The following DNAH5 variants were observed in gnomAD, a reference collection of about 807,000 sequenced individuals.
The protein encoded by DNAH5 is axonemal beta dynein heavy chain 5.
In DNAH5, 372 loss-of-function variants were observed where a neutral mutation model predicts 518.2. That is an observed-to-expected ratio of 0.72 (90% CI 0.66 to 0.78). DNAH5 has a LOEUF of 0.78. DNAH5 is among the 30% of genes least tolerant of loss of function. DNAH5 has a pLI of 0.00. For missense variants in DNAH5, 5,523 were observed against 5,687.0 expected (o/e 0.97, Z 0.93); for synonymous variants, 2,039 against 2,025.9 (o/e 1.01, Z -0.17).
chr5:13,935,113 AAAAAT>A (rs1279607654), intron 1 of DNAH5, among the ~76,000 whole-genome samples: 2 of 152,218 alleles, frequency 1.3e-5, no homozygotes, highest in African/African-American at 4.8e-5. Flanking sequence ...AGCCAAAACT[AAAAAT>A]AAAAGAAGTA....
rs16902958 is a variant in DNAH5, at chr5:13,938,839, C to T, written c.57+5543G>A. On this transcript the variant is annotated intron_variant, in intron 1 of 78. Coordinates refer to ENST00000265104, the MANE Select transcript of DNAH5 (RefSeq NM_001369.3). ...ACGAAACCAAGGACATGGATTTGAT[C>T]ATCTCAGGCCAGCTAACTTCACTTT... 2.9e-3 allele frequency among the ~76,000 whole-genome samples: 447 copies of T among 152,324 alleles called. 3 individuals are homozygous for T. Among genetic ancestry groups the T allele is most frequent in the African/African-American group, 0.01 (432 of 41,566 alleles).
intron 41 of DNAH5, among the ~76,000 whole-genome samples, chr5:13,818,426 G>A (rs936764888): frequency 6.6e-5 from 10 of 152,222 alleles, no homozygotes; most frequent in Admixed American, 3.3e-4. Context: ...GTGAAACCCC[G>A]TCTCTGCTGA....
At chr5:13,872,214 C>T (rs1770227882) in intron 22 of DNAH5, among the ~76,000 whole-genome samples, 1 of 152,154 alleles carries the variant, frequency 6.6e-6, no homozygotes, top group Admixed American at 6.6e-5. Context: ...CAATGGGAAT[C>T]TACTGACATG....
intron 38 of DNAH5, among the ~76,000 whole-genome samples, chr5:13,826,224 C>T (rs985130246): frequency 1.3e-5 from 2 of 152,152 alleles, no homozygotes; most frequent in Non-Finnish European, 2.9e-5. Context: ...TATTACATTT[C>T]ACTATGATCT....
intron 31 of DNAH5, among the ~76,000 whole-genome samples, chr5:13,846,196 G>A (rs1326667416): frequency 1.3e-5 from 2 of 151,926 alleles, no homozygotes; most frequent in African/African-American, 4.8e-5. Flanking sequence ...CAGGTAAACT[G>A]CATGTTGGGA....
chr5:13,773,860 A>AAGG (rs1230517749), intron 55 of DNAH5, among the ~76,000 whole-genome samples: 1 of 151,974 alleles, frequency 6.6e-6, no homozygotes, highest in African/African-American at 2.4e-5. Context: ...TATCCAGACA[A>AAGG]AGGAGGAGTG....
chr5:13,894,893 T>C (rs1028306380), intron 15 of DNAH5, 72 bp from the exon 16 acceptor site: 6 of 1,542,952 alleles, frequency 3.9e-6, no homozygotes, highest in Non-Finnish European at 4.4e-6. Context: ...TCATGTCTTA[T>C]ACAAAATGAC....
rs1216239202 is a variant in DNAH5 at position 13,894,770 on chromosome 5, C to T, written c.2311G>A (p.Glu771Lys). Reference sequence around the variant, plus strand: ...GCCAAGTGAGGGACAATCAATTGCTCAATGGCAGCAGGTATTTTTGACTTC... The same window carrying T: ...GCCAAGTGAGGGACAATCAATTGCTTAATGGCAGCAGGTATTTTTGACTTC... Reference protein sequence around the residue: ...RVKSKIPAAIEQLIVPHLAKV... With the variant: ...RVKSKIPAAIKQLIVPHLAKV... The change falls in exon 16 of 79, where the codon GAG becomes AAG. Residue 771 changes from glutamate to lysine, a missense_variant. By Grantham distance (56) the Glu-to-Lys change is moderately conservative (BLOSUM62 1). Transcript: ENST00000265104. 9 of 1,614,092 alleles carry T rather than the reference C, an allele frequency of 5.6e-6. 1 individual carries two copies. The South Asian group carries it at 6.6e-5, about 12-fold the overall frequency.
At chr5:13,855,978 C>G (rs1448087109) in intron 30 of DNAH5, among the ~76,000 whole-genome samples, 1 of 152,192 alleles carries the variant, frequency 6.6e-6, no homozygotes, top group Non-Finnish European at 1.5e-5. Context: ...ACCAGAATTT[C>G]TGGGACACAG....
chr5:13,757,626 GA>G (rs1200922909), intron 61 of DNAH5, among the ~76,000 whole-genome samples: 1 of 152,094 alleles, frequency 6.6e-6, no homozygotes, highest in East Asian at 1.9e-4. Flanking sequence ...TAGAATGGGA[GA>G]AAATTATTGC....
chr5:13,965,538 C>G lies in DNAH5; in HGVS notation c.13-34294G>C, dbSNP rs1781472036. Among the ~76,000 whole-genome samples, 3 of 152,266 alleles carry G rather than the reference C, an allele frequency of 2.0e-5. No homozygotes were observed. In the South Asian group the frequency reaches 6.2e-4, roughly 32 times the overall value. On this transcript the variant is annotated intron_variant, in intron 1 of 78. Transcript: ENST00000681290. ...TTCACATATCATCCCAAAAGACACGCTTTGTTTAAGGCATTATTTGGCAGA... is the reference window on the plus strand; with the variant it reads ...TTCACATATCATCCCAAAAGACACGGTTTGTTTAAGGCATTATTTGGCAGA...
rs144212347 is a variant in DNAH5, at chr5:13,781,065, T to C, written c.8821-106A>G. 3.7e-3 allele frequency: 4,841 copies of C among 1,316,118 alleles called. 12 individuals are homozygous for C. Among genetic ancestry groups the C allele is most frequent in the Middle Eastern group, 5.8e-3 (25 of 4,338 alleles). 81.5% of individuals were successfully genotyped at this position (1,316,118 alleles called of 1,614,324 possible). A position where few individuals can be genotyped will look rare whatever the true frequency, so the allele number is the denominator to read the frequency against. ...GGCCTAATTATTATTTTGGAAGATA[T>C]AGGTGTCTCAAGATCAGACTGGAGA... On this transcript the variant is annotated intron_variant, in intron 52 of 78. Coordinates refer to ENST00000265104, the MANE Select transcript of DNAH5 (RefSeq NM_001369.3).
chr5:13,963,629 C>T (rs972604524), intron 1 of DNAH5, among the ~76,000 whole-genome samples: 6 of 150,324 alleles, frequency 4.0e-5, no homozygotes, highest in Non-Finnish European at 1.5e-5. Context: ...TTTTTTCCTA[C>T]ACATAAGATA....
At chr5:14,003,799 G>T (rs765773061) in intron 1 of DNAH5, among the ~76,000 whole-genome samples, 9 of 152,234 alleles carry the variant, frequency 5.9e-5, no homozygotes, top group African/African-American at 2.2e-4. Context: ...CATGAAAGCA[G>T]CCCACTGCCC....
intron 12 of DNAH5, among the ~76,000 whole-genome samples, chr5:13,903,595 A>G (rs1774942649): frequency 6.6e-6 from 1 of 151,976 alleles, no homozygotes; most frequent in Non-Finnish European, 1.5e-5. Flanking sequence ...ATTAAAAGAT[A>G]GAAATATTAA....
chr5:13,776,178 T>C (rs566520796), intron 55 of DNAH5, among the ~76,000 whole-genome samples: 1 of 152,206 alleles, frequency 6.6e-6, no homozygotes, highest in Non-Finnish European at 1.5e-5. Flanking sequence ...AATTGCTGGA[T>C]GATGTTTTCC....
At chr5:13,748,558 G>A (rs1192846855) in intron 65 of DNAH5, among the ~76,000 whole-genome samples, 1 of 152,072 alleles carries the variant, frequency 6.6e-6, no homozygotes, top group Non-Finnish European at 1.5e-5. Flanking sequence ...ATTTCGTTTA[G>A]CAGTGGTTTG....
intron 1 of DNAH5, among the ~76,000 whole-genome samples, chr5:13,978,965 G>T (rs931623921): frequency 3.9e-5 from 6 of 152,104 alleles, no homozygotes; most frequent in Non-Finnish European, 8.8e-5. Context: ...CACCTGGCCA[G>T]CCTCCTCTGC....
intron 27 of DNAH5, among the ~76,000 whole-genome samples, 200 bp downstream of exon 27, chr5:13,865,468 G>T (rs1769106214): frequency 6.6e-6 from 1 of 152,198 alleles, no homozygotes; most frequent in African/African-American, 2.4e-5. Flanking sequence ...CATCCTGATA[G>T]ACAGAATGTG....
Sources: allele counts gnomAD v4.1 joint callset (sites outside exome capture counted in the v4.1 genomes callset), GRCh38; gene constraint gnomAD v4.1.1; transcripts MANE v1.5; gene names NCBI Gene and HGNC (gene_info 2026-07-23, HGNC 2026-07-21).